Variants in ZNF577 observed in about 807,000 individuals in gnomAD.
ZNF577 encodes the protein zinc finger protein 577.
ZNF577 carries 14 observed loss-of-function variants against 13.9 expected under a neutral mutation model. The ratio of observed to expected loss-of-function variants is 1.00; its 90% CI spans 0.66 to 1.57. The LOEUF (loss-of-function observed/expected upper bound fraction) is 1.57, where lower values mean the gene tolerates loss of function less well. ZNF577 is among the 40% of genes most tolerant of loss of function. The pLI, the probability that ZNF577 is intolerant of heterozygous loss-of-function variation, is 0.00. For synonymous variants in ZNF577, 203 were observed against 202.9 expected (o/e 1.00, Z 0.00); for missense variants, 555 against 579.2 (o/e 0.96, Z 0.43).
chr19:51,860,376 A>G (rs957833145), intron 5 of ZNF577: 1 of 152,246 alleles, frequency 6.6e-6, no homozygotes, highest in African/African-American at 2.4e-5. Flanking sequence ...CATTGCTTTT[A>G]GGTAAATGTA....
intron 5 of ZNF577, among the ~76,000 whole-genome samples, chr19:51,875,409 C>T (rs1406956825): frequency 6.7e-6 from 1 of 149,324 alleles, no homozygotes; most frequent in African/African-American, 2.5e-5. Flanking sequence ...TGTGCCCTGG[C>T]ATAGTCAAAA....
Position 51,877,342 on chromosome 19 carries a change from A to C in ZNF577, c.223T>G (p.Leu75Val). 1.2e-6 allele frequency: 2 copies of C among 1,614,144 alleles called. No individual in the cohort carries two copies. Among genetic ancestry groups the C allele is most frequent in the East Asian group, 2.2e-5 (1 of 44,880 alleles). ...ATCCCTGGGGGTTCTCCTTGCTCCA[A>C]CTTGAAGAGCGAATCTGGCTTGGTG... Reference protein sequence around the residue: ...RGTKPDSLFKLEQGEPPGIAE... With the variant: ...RGTKPDSLFKVEQGEPPGIAE... Residue 75 changes from leucine to valine, a missense_variant, in exon 5 of 6, where the codon TTG becomes GTG. Physicochemically the swap from Leu to Val is conservative, Grantham distance 32. Transcript: ENST00000638348.
intron 10 of ZNF577, among the ~76,000 whole-genome samples, chr19:51,808,938 A>G (rs2084079051): frequency 6.6e-6 from 1 of 152,216 alleles, no homozygotes; most frequent in African/African-American, 2.4e-5. Context: ...CGGGTTTGTC[A>G]CTGAGCCATT....
rs1027551700 is a variant in ZNF577 at position 51,852,417 on chromosome 19, CCTAT to C, written c.284-7490_284-7487del. Reference sequence around the variant, plus strand: ...GCTCAATAGCATTTCCGTGATCCCACCTATCTGTCATGAACCTCCAGACAGCGAA... The same window carrying C: ...GCTCAATAGCATTTCCGTGATCCCACCTGTCATGAACCTCCAGACAGCGAA... On this transcript the variant is annotated intron_variant and NMD_transcript_variant, in intron 5 of 10. Coordinates refer to the ZNF577 transcript ENST00000638827. Among the ~76,000 whole-genome samples, 9 of 152,342 alleles carry C rather than the reference CCTAT, an allele frequency of 5.9e-5. No homozygotes were observed. In the South Asian group the frequency reaches 8.3e-4, roughly 14 times the overall value.
At position 51,824,599 on chromosome 19, in the gene ZNF577, T is replaced by C. The variant is rs769133675; in HGVS notation, c.*600-12925A>G. On this transcript the variant is annotated intron_variant and NMD_transcript_variant, in intron 9 of 10. Coordinates refer to the ZNF577 transcript ENST00000638827. This position sits in a 1 kb window ranked among gnomAD's most constrained non-coding sequence, Gnocchi z 4.7. ...AAATACAAAATCATTCTTGTCCTGATTAACCCAACAAGCTCCTTGGCCTTT... is the reference window on the plus strand; with the variant it reads ...AAATACAAAATCATTCTTGTCCTGACTAACCCAACAAGCTCCTTGGCCTTT... 5.0e-6 allele frequency: 8 copies of C among 1,614,212 alleles called. No individual in the cohort carries two copies. Among genetic ancestry groups the C allele is most frequent in the Non-Finnish European group, 6.8e-6 (8 of 1,180,016 alleles).
At position 51,877,322 on chromosome 19, in the gene ZNF577, T is replaced by TG. The variant is rs745648813; in HGVS notation, c.242dup (p.Gly82ArgfsTer20). On this transcript the variant is annotated frameshift_variant, in exon 5 of 6. Transcript: ENST00000638348. LOFTEE classifies it low-confidence loss of function (END_TRUNC). ...TGTGGGCTGCTCCTTCTGCTATCCC[T>TG]GGGGGTTCTCCTTGCTCCAACTTGA... 3.2e-5 allele frequency: 52 copies of TG among 1,614,036 alleles called. No individual in the cohort carries two copies. The highest frequency in any genetic ancestry group is 4.2e-5 in the Non-Finnish European group (50 of 1,180,014).
intron 9 of ZNF577, among the ~76,000 whole-genome samples, chr19:51,839,418 A>G (rs2084307296): frequency 6.6e-6 from 1 of 152,106 alleles, no homozygotes; most frequent in Non-Finnish European, 1.5e-5. Flanking sequence ...AATAATAATA[A>G]GAAGAAATTA....
rs771496416 is a variant in ZNF577, at chr19:51,872,542, A to G, written c.1448T>C (p.Val483Ala). 1 of 1,580,272 alleles carries G rather than the reference A, an allele frequency of 6.3e-7. No homozygotes were observed. Among genetic ancestry groups the G allele is most frequent in the South Asian group, 1.2e-5 (1 of 85,722 alleles). ...INYILYLTDI[V>A]SE ...CTGGTATCAGAAGATTTATTCTGATACAATATCTGTAAGATACAAGATATA... is the reference window on the plus strand; with the variant it reads ...CTGGTATCAGAAGATTTATTCTGATGCAATATCTGTAAGATACAAGATATA... The change falls in exon 6 of 6, where the codon GTA becomes GCA. Residue 483 changes from valine (V) to alanine (A), a missense_variant. Physicochemically the swap from Val to Ala is moderately conservative, Grantham distance 64. Coordinates refer to ENST00000638348, the MANE Select transcript of ZNF577 (RefSeq NM_001370449.1).
At position 51,868,814 on chromosome 19, in the gene ZNF577, AG is replaced by A. The variant is rs2084607622; in HGVS notation, c.*3717del. ...TACTAAGAGAAATTATTCTGCCTTG[AG>A]ATGCTGTTAATCTGTAACCCTAGCC... On this transcript the variant is annotated 3_prime_UTR_variant, in exon 6 of 6. Coordinates refer to ENST00000638348, the MANE Select transcript of ZNF577 (RefSeq NM_001370449.1). Among the ~76,000 whole-genome samples the A allele has an allele frequency of 6.6e-6, 1 of 152,230 alleles. No homozygotes were observed. Among genetic ancestry groups the A allele is most frequent in the South Asian group, 2.1e-4 (1 of 4,832 alleles).
At chr19:51,836,039 T>G (rs1034689488) in intron 9 of ZNF577, among the ~76,000 whole-genome samples, 1 of 152,216 alleles carries the variant, frequency 6.6e-6, no homozygotes, top group Non-Finnish European at 1.5e-5. Flanking sequence ...AATTTTAAAG[T>G]GACACATACT....
At chr19:51,834,430 G>C (rs528552137) in intron 9 of ZNF577, among the ~76,000 whole-genome samples, 1 of 152,158 alleles carries the variant, frequency 6.6e-6, no homozygotes, top group East Asian at 1.9e-4. Context: ...TCAAGTGCTG[G>C]GTTATAAAAT....
chr19:51,871,068 T>C lies in ZNF577; in HGVS notation c.*1464A>G, dbSNP rs1449573717. ...GTCAATATCCAGGTGCATTATGTCA[T>C]ATGCATTCCGTACTCATAATGAAGT... On this transcript the variant is annotated 3_prime_UTR_variant, in exon 6 of 6. Coordinates refer to ENST00000638348, the MANE Select transcript of ZNF577 (RefSeq NM_001370449.1). Among the ~76,000 whole-genome samples, 2 of 152,196 alleles carry C rather than the reference T, an allele frequency of 1.3e-5. No individual in the cohort carries two copies. The highest frequency in any genetic ancestry group is 2.9e-5 in the Non-Finnish European group (2 of 68,034).
At chr19:51,882,229 A>G (rs1299997617) in intron 1 of ZNF577, among the ~76,000 whole-genome samples, 1 of 152,096 alleles carries the variant, frequency 6.6e-6, no homozygotes, top group Non-Finnish European at 1.5e-5. Context: ...CCAGGATCCA[A>G]CCATTCCCAG....
chr19:51,887,361 G>A lies in ZNF577; in HGVS notation c.-759C>T, dbSNP rs2122741992. On this transcript the variant is annotated 5_prime_UTR_variant, in exon 1 of 6. Coordinates refer to ENST00000638348, the MANE Select transcript of ZNF577 (RefSeq NM_001370449.1). ...ACGAATAAAATTATACCAATACCTA[G>A]ACACCTGATCCCAACATTAAACATG... 6.6e-6 allele frequency: 1 copy of A among 152,272 alleles called. No individual in the cohort carries two copies. The highest frequency in any genetic ancestry group is 3.4e-3 in the Middle Eastern group (1 of 294). The allele number at this position is 152,272 out of a possible 1,614,324, so 9.4% of individuals were successfully genotyped here. A position where few individuals can be genotyped will look rare whatever the true frequency, so the allele number is the denominator to read the frequency against.
At chr19:51,877,412 G>T in intron 4 of ZNF577, 35 bp from the exon 5 acceptor site, 1 of 1,561,232 alleles carries the variant, frequency 6.4e-7, no homozygotes, top group Non-Finnish European at 8.8e-7. Flanking sequence ...CTTGGCACGT[G>T]TGCTTGGGGA....
At chr19:51,885,903 G>A (rs2084938106) in intron 1 of ZNF577, among the ~76,000 whole-genome samples, 1 of 152,194 alleles carries the variant, frequency 6.6e-6, no homozygotes, top group African/African-American at 2.4e-5. Context: ...TCTCTTGATA[G>A]TGGAATGGAT....
rs779820100 is a variant in ZNF577 at position 51,824,532 on chromosome 19, A to C, written c.*600-12858T>G. The C allele has an allele frequency of 6.2e-7, 1 of 1,614,096 alleles. No individual in the cohort carries two copies. Among genetic ancestry groups the C allele is most frequent in the Admixed American group, 1.7e-5 (1 of 60,024 alleles). ...TTGGTTCCCTTATGAACTAATTGGC[A>C]TTCTAATGGCAGTCTGGCTCAAAGA... On this transcript the variant is annotated intron_variant and NMD_transcript_variant, in intron 9 of 10. Transcript: ENST00000638827. The surrounding 1 kb of genome is among the most constrained non-coding windows in gnomAD (Gnocchi z 4.7).
chr19:51,814,253 T>A (rs1055493196), intron 9 of ZNF577, among the ~76,000 whole-genome samples: 3 of 152,156 alleles, frequency 2.0e-5, no homozygotes, highest in Admixed American at 2.0e-4. Context: ...TGATGTTGCT[T>A]AAAATCTCAG....
chr19:51,849,463 T>TA (rs1377751344), intron 5 of ZNF577, among the ~76,000 whole-genome samples: 1 of 152,218 alleles, frequency 6.6e-6, no homozygotes, highest in East Asian at 1.9e-4. Flanking sequence ...TAAAAGGACT[T>TA]ACAGGAGTAG....
Sources: allele counts gnomAD v4.1 joint callset (sites outside exome capture counted in the v4.1 genomes callset), GRCh38; gene constraint gnomAD v4.1.1; non-coding constraint Gnocchi (gnomAD v3.1); transcripts MANE v1.5; gene names NCBI Gene and HGNC (gene_info 2026-07-23, HGNC 2026-07-21).